Variants in ANKS1B observed in about 807,000 individuals in gnomAD.
ANKS1B encodes the protein ankyrin repeat and sterile alpha motif domain containing 1B.
In ANKS1B, 36 loss-of-function variants were observed where a neutral mutation model predicts 148.3. The ratio of observed to expected loss-of-function variants is 0.24; its 90% confidence interval spans 0.19 to 0.32. ANKS1B has a LOEUF of 0.32. ANKS1B is among the 10% of genes least tolerant of loss of function. ANKS1B has a pLI of 1.00. For missense variants in ANKS1B, 1,157 were observed against 1,542.6 expected, an observed-to-expected ratio of 0.75 and a Z score of 4.19; for synonymous variants, 542 against 560.8, an observed-to-expected ratio of 0.97 and a Z score of 0.47.
In ANKS1B at chr12:98,884,805, C is replaced by CAAAAAA. The variant is rs35160751; in HGVS notation, c.2779-52675_2779-52670dup. Among the ~76,000 whole-genome samples the CAAAAAA allele has an allele frequency of 6.2e-3, 521 of 83,732 alleles. 6 individuals are homozygous for CAAAAAA. Among genetic ancestry groups the CAAAAAA allele is most frequent in the African/African-American group, 0.023 (494 of 21,650 alleles). 54.9% of individuals were successfully genotyped at this position (83,732 alleles called of 152,430 possible). A position where few individuals can be genotyped will look rare whatever the true frequency, so the allele number is the denominator to read the frequency against. ...TGGGCGACAGAGCGAGACTCCGTCT[C>CAAAAAA]AAAAAAAAAAAAAAAAAAAAGAAAC... On this transcript the variant is annotated intron_variant, in intron 17 of 26. Coordinates refer to ENST00000683438, the MANE Select transcript of ANKS1B (RefSeq NM_001352186.2).
intron 16 of ANKS1B, among the ~76,000 whole-genome samples, chr12:99,060,203 T>C (rs2041932406): frequency 6.6e-6 from 1 of 152,180 alleles, no homozygotes; most frequent in East Asian, 1.9e-4. Context: ...TAACATATTT[T>C]TTTTTTGCCA....
chr12:99,600,297 T>G (rs2097790496), intron 9 of ANKS1B, among the ~76,000 whole-genome samples: 1 of 152,018 alleles, frequency 6.6e-6, no homozygotes, highest in Non-Finnish European at 1.5e-5. Flanking sequence ...TCTAGGGAAC[T>G]AATGATGAAA....
intron 12 of ANKS1B, among the ~76,000 whole-genome samples, chr12:99,366,872 T>A (rs2092799017): frequency 6.6e-6 from 1 of 151,674 alleles, no homozygotes; most frequent in East Asian, 2.0e-4. Flanking sequence ...CCAAAAAAAA[T>A]CATCATAAAC....
rs540460211 is a variant in ANKS1B at position 99,108,303 on chromosome 12, C to G, written c.2527-23280G>C. On this transcript the variant is annotated intron_variant, in intron 15 of 26. Transcript: ENST00000683438. ...ATTTTAGCCAGTGGTTCAGTTCTCT[C>G]TCTGTCCAACTAGACTATGTACCTT... Among the ~76,000 whole-genome samples the G allele has an allele frequency of 4.6e-5, 7 of 152,350 alleles. No individual in the cohort carries two copies. The East Asian group carries it at 1.3e-3, about 29-fold the overall frequency.
intron 10 of ANKS1B, among the ~76,000 whole-genome samples, chr12:99,467,181 A>T (rs2152887005): frequency 6.6e-6 from 1 of 152,328 alleles, no homozygotes; most frequent in African/African-American, 2.4e-5. Flanking sequence ...AGAACCAAAG[A>T]CAAAAACCAG....
At chr12:99,898,157 T>C (rs938502085) in intron 1 of ANKS1B, among the ~76,000 whole-genome samples, 1 of 152,230 alleles carries the variant, frequency 6.6e-6, no homozygotes, top group African/African-American at 2.4e-5. Flanking sequence ...TTTCTGTAGT[T>C]TGGACAACTA....
At chr12:99,680,225 G>A (rs1005123471) in intron 8 of ANKS1B, among the ~76,000 whole-genome samples, 11 of 152,184 alleles carry the variant, frequency 7.2e-5, no homozygotes, top group Non-Finnish European at 1.5e-4. Context: ...TGGATCACTC[G>A]AGGCCAAAAG....
intron 9 of ANKS1B, among the ~76,000 whole-genome samples, chr12:99,623,967 A>G (rs2153380994): frequency 6.6e-6 from 1 of 152,256 alleles, no homozygotes; most frequent in African/African-American, 2.4e-5. Context: ...AAGAAAAAAG[A>G]ACAAAGTTGG....
intron 9 of ANKS1B, among the ~76,000 whole-genome samples, chr12:99,612,220 GT>G (rs1371194174): frequency 6.6e-6 from 1 of 152,032 alleles, no homozygotes; most frequent in Non-Finnish European, 1.5e-5. Flanking sequence ...AAGATTAATG[GT>G]CATCTGAAAG....
intron 9 of ANKS1B, among the ~76,000 whole-genome samples, chr12:99,537,871 T>C (rs570471584): frequency 1.3e-5 from 2 of 152,280 alleles, no homozygotes; most frequent in East Asian, 1.9e-4. Context: ...AGTTTTCTTA[T>C]AGTAGTTTCA....
At chr12:99,633,367 C>T (rs575388223) in intron 9 of ANKS1B, among the ~76,000 whole-genome samples, 1 of 152,084 alleles carries the variant, frequency 6.6e-6, no homozygotes, top group South Asian at 2.1e-4. Flanking sequence ...ACAAGCCTGA[C>T]AAAAACAAGA....
chr12:99,333,853 A>ATTTTTTTTTTTTTTT (rs2088093891), intron 12 of ANKS1B, among the ~76,000 whole-genome samples: 3 of 87,630 alleles, frequency 3.4e-5, no homozygotes, highest in African/African-American at 2.7e-4. Context: ...TCCAGTTCTC[A>ATTTTTTTTTTTTTTT]GTTTTTTTTT....
At chr12:99,283,742 A>G (rs1602399861) in intron 12 of ANKS1B, among the ~76,000 whole-genome samples, 1 of 152,216 alleles carries the variant, frequency 6.6e-6, no homozygotes, top group African/African-American at 2.4e-5. Context: ...AAGAAAGTCT[A>G]TGCTTTCTTT....
intron 16 of ANKS1B, among the ~76,000 whole-genome samples, chr12:99,081,818 T>G (rs528797211): frequency 7.0e-4 from 106 of 152,308 alleles, no homozygotes; most frequent in African/African-American, 2.4e-3. Context: ...ATCTTAAAAT[T>G]GAGGTGCTCT....
At chr12:99,575,275 C>T (rs1308043639) in intron 9 of ANKS1B, among the ~76,000 whole-genome samples, 2 of 152,040 alleles carry the variant, frequency 1.3e-5, no homozygotes, top group Non-Finnish European at 2.9e-5. Flanking sequence ...CCAAGAATTT[C>T]GTATCCATAC....
chr12:99,667,033 A>T (rs1445538482), intron 8 of ANKS1B, among the ~76,000 whole-genome samples: 2 of 152,082 alleles, frequency 1.3e-5, no homozygotes, highest in Non-Finnish European at 2.9e-5. Context: ...CCAAACTTCA[A>T]ATTTGTACCA....
intron 19 of ANKS1B, among the ~76,000 whole-genome samples, chr12:98,816,224 A>T (rs890876655): frequency 1.3e-5 from 2 of 152,180 alleles, no homozygotes; most frequent in African/African-American, 4.8e-5. Flanking sequence ...TTCCCTAGGC[A>T]TATTACATCC....
intron 22 of ANKS1B, among the ~76,000 whole-genome samples, chr12:98,797,264 G>T (rs1159245190): frequency 6.6e-6 from 1 of 152,146 alleles, no homozygotes; most frequent in African/African-American, 2.4e-5. Context: ...ACAGAGGATC[G>T]GGGAAACAGG....
chr12:99,173,485 T>C (rs893939258), intron 14 of ANKS1B, among the ~76,000 whole-genome samples: 2 of 152,166 alleles, frequency 1.3e-5, no homozygotes, highest in African/African-American at 4.8e-5. Flanking sequence ...CTTAGAAACT[T>C]CACATGCAGG....
Sources: gnomAD v4.1 joint callset for allele counts (sites outside exome capture counted in the v4.1 genomes callset) on GRCh38, gnomAD v4.1.1 for gene constraint, MANE v1.5 for transcripts, NCBI Gene and HGNC (gene_info 2026-07-23, HGNC 2026-07-21) for gene names.